Variants in UVRAG observed in about 807,000 individuals in gnomAD.
UVRAG encodes the protein UV radiation resistance-associated gene protein.
Under a neutral mutation model 78.0 loss-of-function variants are expected in UVRAG, and 19 were observed. The ratio of observed to expected loss-of-function variants is 0.24; its 90% CI spans 0.17 to 0.36. The LOEUF (loss-of-function observed/expected upper bound fraction) is 0.36, where lower values mean the gene tolerates loss of function less well. Ranked by LOEUF, UVRAG falls within the 10% of genes least tolerant of loss-of-function variation. The pLI, the probability that UVRAG is intolerant of heterozygous loss-of-function variation, is 1.00. For synonymous variants in UVRAG, 323 were observed against 324.6 expected (o/e 1.00, Z 0.05); for missense variants, 740 against 853.8 (o/e 0.87, Z 1.66).
At chr11:75,942,153 TCC>T (rs1948496712) in intron 6 of UVRAG, 3 of 152,678 alleles carry the variant, frequency 2.0e-5, no homozygotes, top group Admixed American at 6.6e-5. Context: ...CCCTATTTAT[TCC>T]TGGTAAACTT....
chr11:75,838,867 T>TG (rs1945846307), intron 1 of UVRAG: 1 of 152,176 alleles, frequency 6.6e-6, no homozygotes, highest in African/African-American at 2.4e-5. Context: ...AACGGGTTAA[T>TG]GGGTTAGTGG....
intron 13 of UVRAG, among the ~76,000 whole-genome samples, chr11:76,092,890 T>C (rs568727980): frequency 6.2e-4 from 95 of 152,216 alleles, no homozygotes; most frequent in Non-Finnish European, 1.2e-3. Flanking sequence ...TTTTGGTGTT[T>C]TAGACATGAA....
intron 3 of UVRAG, among the ~76,000 whole-genome samples, chr11:75,873,402 A>G (rs947314280): frequency 6.6e-6 from 1 of 151,926 alleles, no homozygotes. Flanking sequence ...TGTATTATCT[A>G]CTTGGGAAAA....
intron 3 of UVRAG, among the ~76,000 whole-genome samples, chr11:75,865,544 TA>T (rs1389276256): frequency 6.6e-6 from 1 of 152,142 alleles, no homozygotes; most frequent in East Asian, 1.9e-4. Flanking sequence ...TGTTTAATTT[TA>T]ATTTAAATAG....
At chr11:75,990,745 T>C (rs150817822) in intron 8 of UVRAG, among the ~76,000 whole-genome samples, 36 of 152,336 alleles carry the variant, frequency 2.4e-4, no homozygotes, top group African/African-American at 8.2e-4. Flanking sequence ...TACTGTGTGT[T>C]TCCATAGCAC....
intron 1 of UVRAG, among the ~76,000 whole-genome samples, chr11:75,825,148 G>A (rs562774757): frequency 2.1e-4 from 32 of 149,044 alleles, no homozygotes; most frequent in African/African-American, 5.9e-4. Context: ...CCCTGTTGTC[G>A]CCCAGAATGG....
intron 12 of UVRAG, among the ~76,000 whole-genome samples, chr11:76,027,243 A>C (rs1243074831): frequency 1.3e-5 from 2 of 152,244 alleles, no homozygotes. Flanking sequence ...ATGGGTCTGC[A>C]CTGGAGCCTG....
At chr11:75,997,747 G>A (rs1466941642) in intron 8 of UVRAG, among the ~76,000 whole-genome samples, 18 of 152,140 alleles carry the variant, frequency 1.2e-4, no homozygotes, top group Non-Finnish European at 1.3e-4. Flanking sequence ...AAATAGAAAC[G>A]GCTGCAGGTA....
At chr11:75,967,640 TG>T (rs1949049702) in intron 7 of UVRAG, among the ~76,000 whole-genome samples, 7 of 152,236 alleles carry the variant, frequency 4.6e-5, no homozygotes. Flanking sequence ...TACATTTTTA[TG>T]AAAAATAAGC....
intron 4 of UVRAG, 66 bp downstream of exon 4, chr11:75,880,106 G>T: frequency 3.2e-6 from 5 of 1,552,316 alleles, no homozygotes; most frequent in Non-Finnish European, 4.4e-6. Context: ...CCTTTCTGTT[G>T]ATTCTTCTGA....
chr11:76,130,285 G>A (rs1359052762), intron 14 of UVRAG, among the ~76,000 whole-genome samples: 1 of 152,132 alleles, frequency 6.6e-6, no homozygotes, highest in Non-Finnish European at 1.5e-5. Context: ...GTCAGAGGTG[G>A]TTGTTTGACA....
intron 1 of UVRAG, among the ~76,000 whole-genome samples, chr11:75,850,230 T>C (rs1308928466): frequency 6.6e-6 from 1 of 152,222 alleles, no homozygotes; most frequent in African/African-American, 2.4e-5. Context: ...GGTTTTCCTT[T>C]AGATTTAGTT....
At chr11:76,068,326 A>AAC (rs1951234909) in intron 13 of UVRAG, among the ~76,000 whole-genome samples, 1 of 152,186 alleles carries the variant, frequency 6.6e-6, no homozygotes. Flanking sequence ...TTATTAACTG[A>AAC]ACCAGGGCCA....
intron 8 of UVRAG, among the ~76,000 whole-genome samples, chr11:75,999,163 G>T (rs112392672): frequency 6.6e-6 from 1 of 150,388 alleles, no homozygotes; most frequent in African/African-American, 2.5e-5. Flanking sequence ...AACCCAGGAG[G>T]CAGAGGTTGC....
Position 75,871,093 on chromosome 11 carries a change from C to T in UVRAG, c.271-8786C>T, listed in dbSNP as rs115757161. Among the ~76,000 whole-genome samples, 443 of 152,182 alleles carry T rather than the reference C, an allele frequency of 2.9e-3. 4 individuals are homozygous for T. The highest frequency in any genetic ancestry group is 1.0e-2 in the African/African-American group (415 of 41,524). On this transcript the variant is annotated intron_variant, in intron 3 of 14. Coordinates refer to ENST00000356136, the MANE Select transcript of UVRAG (RefSeq NM_003369.4). Reference sequence around the variant, plus strand: ...CATAACATGTTAGTCAGGCTGGTCACGAACCCCAGACCTCAGGTGATTCGC... The same window carrying T: ...CATAACATGTTAGTCAGGCTGGTCATGAACCCCAGACCTCAGGTGATTCGC...
intron 8 of UVRAG, among the ~76,000 whole-genome samples, chr11:75,989,952 T>G (rs955395909): frequency 5.3e-5 from 8 of 152,240 alleles, no homozygotes; most frequent in Admixed American, 2.0e-4. Flanking sequence ...AACCTTATTT[T>G]ATTTGTTGCA....
At chr11:76,070,692 G>A (rs943357163) in intron 13 of UVRAG, among the ~76,000 whole-genome samples, 5 of 152,236 alleles carry the variant, frequency 3.3e-5, no homozygotes, top group African/African-American at 7.2e-5. Context: ...AGTGGGTAGA[G>A]CAATGAATAA....
chr11:76,130,938 T>G (rs1952502509), intron 14 of UVRAG, among the ~76,000 whole-genome samples: 1 of 151,406 alleles, frequency 6.6e-6, no homozygotes, highest in Non-Finnish European at 1.5e-5. Context: ...TTTTTTTGTT[T>G]TTTTTTTTCA....
At chr11:75,936,118 G>A (rs1948369157) in intron 6 of UVRAG, among the ~76,000 whole-genome samples, 2 of 152,152 alleles carry the variant, frequency 1.3e-5, no homozygotes, top group Admixed American at 1.3e-4. Context: ...GAAGTAATGC[G>A]GAAGCAATAT....
Sources: gnomAD v4.1 joint callset for allele counts (sites outside exome capture counted in the v4.1 genomes callset) on GRCh38, gnomAD v4.1.1 for gene constraint, MANE v1.5 for transcripts, NCBI Gene and HGNC (gene_info 2026-07-23, HGNC 2026-07-21) for gene names.